The following MFAP5 variants were observed in gnomAD, a reference collection of about 807,000 sequenced individuals.
MFAP5 encodes the protein microfibrillar-associated protein 5.
Under a neutral mutation model 30.1 loss-of-function variants are expected in MFAP5, and 19 were observed. The observed-to-expected ratio is 0.63, with a 90% confidence interval of 0.44 to 0.93. MFAP5 has a LOEUF of 0.93. MFAP5 is among the 40% of genes least tolerant of loss of function. The pLI is 0.00. For missense variants in MFAP5, 210 were observed against 221.3 expected, an observed-to-expected ratio of 0.95 and a Z score of 0.32; for synonymous variants, 92 against 72.9, an observed-to-expected ratio of 1.26 and a Z score of -1.33.
chr12:8,651,169 AAAAAT>A (rs1265184395), intron 7 of MFAP5, among the ~76,000 whole-genome samples: 1 of 152,160 alleles, frequency 6.6e-6, no homozygotes, highest in Non-Finnish European at 1.5e-5. Flanking sequence ...TCCATCTCAG[AAAAAT>A]AAAATAAAAT....
intron 2 of MFAP5, among the ~76,000 whole-genome samples, chr12:8,661,465 T>C (rs1035451096): frequency 2.0e-5 from 3 of 152,162 alleles, no homozygotes; most frequent in Non-Finnish European, 4.4e-5. Context: ...TGAGTATACC[T>C]GCATGCATGA....
Position 8,656,374 on chromosome 12 carries a change from AT to A in MFAP5, c.95-545del, listed in dbSNP as rs1282116689. ...ATAATTCTGATATAATTGGGTATGA[AT>A]TTGCTGATATGCTTAGGAGTGTTCA... On this transcript the variant is annotated intron_variant, in intron 3 of 9. Coordinates refer to ENST00000359478, the MANE Select transcript of MFAP5 (RefSeq NM_003480.4). Among the ~76,000 whole-genome samples, 3 of 148,556 alleles carry A rather than the reference AT, an allele frequency of 2.0e-5. No individual in the cohort carries two copies. The East Asian group carries it at 6.0e-4, about 30-fold the overall frequency.
rs745517694 is a variant in MFAP5 at position 8,647,103 on chromosome 12, C to T, written c.*988G>A. 1 of 152,160 alleles carries T rather than the reference C, an allele frequency of 6.6e-6. No homozygotes were observed. The highest frequency in any genetic ancestry group is 6.6e-5 in the Admixed American group (1 of 15,258). The allele number at this position is 152,160 out of a possible 1,614,324, so 9.4% of individuals were successfully genotyped here. A position where few individuals can be genotyped will look rare whatever the true frequency, so the allele number is the denominator to read the frequency against. ...TCACTCTTTCGTATTAACTATTAGG[C>T]AAACTTTCTGTCTGCCTATTAAAAT... On this transcript the variant is annotated 3_prime_UTR_variant, in exon 10 of 10. Transcript: ENST00000359478.
intron 8 of MFAP5, 115 bp from the exon 9 acceptor site, chr12:8,649,689 T>G (rs1483769990): frequency 2.7e-6 from 2 of 738,206 alleles, no homozygotes; most frequent in African/African-American, 3.5e-5. Flanking sequence ...TTTCCCTATC[T>G]GCTTTTCCCC....
At chr12:8,654,126 CAAAA>C (rs61055144) in intron 6 of MFAP5, 78 of 113,436 alleles carry the variant, frequency 6.9e-4, no homozygotes, top group East Asian at 1.5e-3. Context: ...TAATCCGTCT[CAAAA>C]AAAAAAAAAA....
Position 8,646,540 on chromosome 12 carries a change from A to G in MFAP5, c.*1551T>C, listed in dbSNP as rs181846146. ...AAAGCAGATATGGTTGCTATGAATT[A>G]GACTGTATCTAAGCTTCAAGAAATA... On this transcript the variant is annotated 3_prime_UTR_variant, in exon 10 of 10. Coordinates refer to ENST00000359478, the MANE Select transcript of MFAP5 (RefSeq NM_003480.4). The G allele has an allele frequency of 1.1e-3, 165 of 152,282 alleles. No individual in the cohort carries two copies. The highest frequency in any genetic ancestry group is 3.8e-3 in the African/African-American group (159 of 41,552). The allele number at this position is 152,282 out of a possible 1,614,324, so 9.4% of individuals were successfully genotyped here.
chr12:8,658,561 G>A (rs1324433550), intron 3 of MFAP5: 1 of 152,092 alleles, frequency 6.6e-6, no homozygotes, highest in African/African-American at 2.4e-5. Context: ...GAGGAGTGGA[G>A]CCTCTCCCGG....
rs1367279037 is a variant in MFAP5 at position 8,647,246 on chromosome 12, G to A, written c.*845C>T. ...GAACGAAGTAGCAACTCAAGGAAAC[G>A]TCAACCAATGGTATGATTTCACATT... is the stretch of plus-strand genomic sequence containing the variant. On this transcript the variant is annotated 3_prime_UTR_variant, in exon 10 of 10. Transcript: ENST00000359478. 3 of 152,212 alleles carry A rather than the reference G, an allele frequency of 2.0e-5. No individual in the cohort carries two copies. Among genetic ancestry groups the A allele is most frequent in the African/African-American group, 4.8e-5 (2 of 41,454 alleles). 9.4% of individuals were successfully genotyped at this position (152,212 alleles called of 1,614,324 possible).
At chr12:8,656,843 T>C (rs1942016525) in intron 3 of MFAP5, among the ~76,000 whole-genome samples, 1 of 151,850 alleles carries the variant, frequency 6.6e-6, no homozygotes, top group Non-Finnish European at 1.5e-5. Context: ...AATTTCTGTA[T>C]TTTTAGTAGA....
chr12:8,648,448 A>C (rs1241410749), intron 9 of MFAP5: 1 of 1,062,888 alleles, frequency 9.4e-7, no homozygotes, highest in Non-Finnish European at 1.3e-6. Flanking sequence ...TCAACAGTAT[A>C]TTTCTGAGTA....
At chr12:8,656,284 G>T (rs749892386) in intron 3 of MFAP5, among the ~76,000 whole-genome samples, 1 of 151,636 alleles carries the variant, frequency 6.6e-6, no homozygotes, top group Non-Finnish European at 1.5e-5. Flanking sequence ...TCCTGACCTC[G>T]TGAACCGCCC....
intron 3 of MFAP5, 51 bp from the exon 4 acceptor site, chr12:8,655,881 C>G (rs768600507): frequency 6.6e-7 from 1 of 1,512,434 alleles, no homozygotes; most frequent in Non-Finnish European, 9.1e-7. Flanking sequence ...CTCCCTGCCA[C>G]CCTTGCACTT....
chr12:8,660,468 TA>T (rs1349818246), intron 3 of MFAP5, among the ~76,000 whole-genome samples: 1 of 152,112 alleles, frequency 6.6e-6, no homozygotes, highest in African/African-American at 2.4e-5. Context: ...ATTATGGGTA[TA>T]AGATGACTTC....
chr12:8,646,355 A>G lies in MFAP5; in HGVS notation c.*1736T>C, dbSNP rs999422439. On this transcript the variant is annotated 3_prime_UTR_variant, in exon 10 of 10. Transcript: ENST00000359478. Reference sequence around the variant, plus strand: ...TAAAAGGAATACAACCTCCACTGTCATATATAACTTGTTGTCTCCTAGCTC... The same window carrying G: ...TAAAAGGAATACAACCTCCACTGTCGTATATAACTTGTTGTCTCCTAGCTC... 4.6e-5 allele frequency: 7 copies of G among 152,214 alleles called. No homozygotes were observed. Among genetic ancestry groups the G allele is most frequent in the Admixed American group, 2.6e-4 (4 of 15,278 alleles). The allele number at this position is 152,214 out of a possible 1,614,324, so 9.4% of individuals were successfully genotyped here.
chr12:8,654,976 C>T (rs1941942704), intron 5 of MFAP5, among the ~76,000 whole-genome samples: 1 of 148,924 alleles, frequency 6.7e-6, no homozygotes, highest in Admixed American at 6.7e-5. Flanking sequence ...TGTCACTGAA[C>T]AACACTCTCA....
chr12:8,650,368 A>G (rs2136461118), intron 8 of MFAP5, 134 bp downstream of exon 8: 3 of 741,654 alleles, frequency 4.0e-6, no homozygotes, highest in Admixed American at 2.2e-5. Context: ...ACATTCAGCA[A>G]TAACTAGGAG....
chr12:8,659,630 A>C (rs1297602149), intron 3 of MFAP5, among the ~76,000 whole-genome samples: 1 of 152,164 alleles, frequency 6.6e-6, no homozygotes, highest in Non-Finnish European at 1.5e-5. Flanking sequence ...ATTCAGATTT[A>C]GATTCAGAAA....
In MFAP5 at chr12:8,660,955, C is replaced by T. The variant is rs372893266; in HGVS notation, c.59-57G>A. 17 of 1,425,482 alleles carry T rather than the reference C, an allele frequency of 1.2e-5. No individual in the cohort carries two copies. In the African/African-American group the frequency reaches 2.3e-4, roughly 19 times the overall value. The allele number at this position is 1,425,482 out of a possible 1,614,324, so 88.3% of individuals were successfully genotyped here. On this transcript the variant is annotated intron_variant, in intron 2 of 9. Transcript: ENST00000359478. ...TGACTGCAGCTCTATACCTCGTAAC[C>T]CTTTTATGAGACAAATCAGAAAATC...
chr12:8,648,313 G>GA lies in MFAP5; in HGVS notation c.410-111dup, dbSNP rs932511476. 1.3e-5 allele frequency: 13 copies of GA among 1,010,700 alleles called. No homozygotes were observed. In the African/African-American group the frequency reaches 2.0e-4, roughly 15 times the overall value. The allele number at this position is 1,010,700 out of a possible 1,614,324, so 62.6% of individuals were successfully genotyped here. On this transcript the variant is annotated intron_variant, in intron 9 of 9. Coordinates refer to ENST00000359478, the MANE Select transcript of MFAP5 (RefSeq NM_003480.4). ...TGTGGTGTAGTGAAAAGGTTGGAGA[G>GA]AAAAAGATCCGGGTTTTAACCAGCT...
Sources: allele counts gnomAD v4.1 joint callset (sites outside exome capture counted in the v4.1 genomes callset), GRCh38; gene constraint gnomAD v4.1.1; transcripts MANE v1.5; gene names NCBI Gene and HGNC (gene_info 2026-07-23, HGNC 2026-07-21).